The following SGIP1 variants were observed in gnomAD, a reference collection of about 807,000 sequenced individuals.
SGIP1 encodes the protein SH3-containing GRB2-like protein 3-interacting protein 1.
A neutral mutation model predicts 107.5 loss-of-function variants in SGIP1; 38 were observed. That is an observed-to-expected ratio of 0.35 (90% CI 0.27 to 0.46). The LOEUF (loss-of-function observed/expected upper bound fraction) is 0.46. Among genes scored for constraint, SGIP1 ranks in the 20% least tolerant of loss-of-function variants. SGIP1 has a pLI of 1.00. For missense variants in SGIP1, 929 were observed against 1,019.5 expected (o/e 0.91, Z 1.21); for synonymous variants, 365 against 366.1 (o/e 1.00, Z 0.03).
At chr1:66,676,098 C>T (rs2085258099) in intron 12 of SGIP1, among the ~76,000 whole-genome samples, 1 of 152,192 alleles carries the variant, frequency 6.6e-6, no homozygotes, top group Non-Finnish European at 1.5e-5. Context: ...ATTCATATAT[C>T]TTTCCTCTGT....
At chr1:66,622,484 G>A (rs1396963638) in intron 1 of SGIP1, among the ~76,000 whole-genome samples, 1 of 152,144 alleles carries the variant, frequency 6.6e-6, no homozygotes, top group East Asian at 1.9e-4. Context: ...AGACATTGAT[G>A]ATATTTGTCT....
chr1:66,537,654 AT>A (rs1256269318), intron 1 of SGIP1, among the ~76,000 whole-genome samples: 1 of 152,116 alleles, frequency 6.6e-6, no homozygotes, highest in East Asian at 1.9e-4. Context: ...TTATATGACA[AT>A]TTAAAAAATT....
rs56815392 is a variant in SGIP1, at chr1:66,723,163, A to G, written c.1742+3758A>G. Among the ~76,000 whole-genome samples the G allele has an allele frequency of 8.9e-3, 1,359 of 152,308 alleles. 24 individuals are homozygous for G. Among genetic ancestry groups the G allele is most frequent in the African/African-American group, 0.031 (1,293 of 41,564 alleles). ...CTTTCAAGGAAACAACTCAAGTTCT[A>G]TCACCAGGTGGAAATAATGCCAGCC... On this transcript the variant is annotated intron_variant, in intron 19 of 24. Coordinates refer to ENST00000371037, the MANE Select transcript of SGIP1 (RefSeq NM_032291.4).
intron 5 of SGIP1, among the ~76,000 whole-genome samples, chr1:66,642,262 A>G (rs1434555085): frequency 2.0e-5 from 3 of 151,920 alleles, no homozygotes; most frequent in African/African-American, 4.8e-5. Context: ...TGAGTCACCC[A>G]GTGTCCACTC....
chr1:66,616,621 C>T (rs1359983445), intron 1 of SGIP1, among the ~76,000 whole-genome samples: 1 of 152,100 alleles, frequency 6.6e-6, no homozygotes, highest in Non-Finnish European at 1.5e-5. Flanking sequence ...TGTCTGCTCC[C>T]CATGGATCTT....
At position 66,660,906 on chromosome 1, in the gene SGIP1, C is replaced by G. The variant is rs558659510; in HGVS notation, c.471+382C>G. On this transcript the variant is annotated intron_variant, in intron 8 of 24. Transcript: ENST00000371037. ...TATAAGTTAATTTTTGATTAGCGTA[C>G]AACATAGTAGCATCTGGAATGCCTA... 2.6e-5 allele frequency among the ~76,000 whole-genome samples: 4 copies of G among 152,244 alleles called. No individual in the cohort carries two copies. In the South Asian group the frequency reaches 8.3e-4, roughly 32 times the overall value.
chr1:66,616,776 C>T (rs1390130011), intron 1 of SGIP1, among the ~76,000 whole-genome samples: 1 of 152,202 alleles, frequency 6.6e-6, no homozygotes, highest in African/African-American at 2.4e-5. Flanking sequence ...TCTTCTTTAA[C>T]ATTTTCTTCT....
In SGIP1 at chr1:66,679,780, A is replaced by G. The variant is rs201214486; in HGVS notation, c.814+28A>G. The stretch of plus-strand genomic sequence containing the variant: ...ACGCTTTTGTTTTTTCAGTTCTGGG[A>G]TGATGTGTCAAACAGAGCAGTGGCC... On this transcript the variant is annotated intron_variant, in intron 14 of 24. Transcript: ENST00000371037. The G allele has an allele frequency of 2.7e-4, 420 of 1,570,632 alleles. 1 individual carries two copies. In the African/African-American group the frequency reaches 5.2e-3, roughly 20 times the overall value.
chr1:66,538,485 G>T (rs898591202), intron 1 of SGIP1, among the ~76,000 whole-genome samples: 1 of 152,072 alleles, frequency 6.6e-6, no homozygotes, highest in Non-Finnish European at 1.5e-5. Context: ...CTTCTAAAAA[G>T]AATATGGAGT....
At chr1:66,534,808 T>C (rs1482219840) in intron 1 of SGIP1, among the ~76,000 whole-genome samples, 1 of 152,352 alleles carries the variant, frequency 6.6e-6, no homozygotes, top group East Asian at 1.9e-4. Context: ...TTCAGTGAAC[T>C]GTTTAAAATT....
At chr1:66,733,667 G>A (rs1257285127) in intron 20 of SGIP1, 81 bp from the exon 21 acceptor site, 29 of 1,491,400 alleles carry the variant, frequency 1.9e-5, no homozygotes, top group Middle Eastern at 2.1e-4. Flanking sequence ...CATATCAGAC[G>A]ACAATTTGCT....
At chr1:66,630,814 AG>A (rs1236050494) in intron 2 of SGIP1, among the ~76,000 whole-genome samples, 1 of 5,248 alleles carries the variant, frequency 1.9e-4, no homozygotes, top group Non-Finnish European at 2.9e-4. Context: ...AAAGAAAGAA[AG>A]AAAGAAAGAA....
At chr1:66,563,910 A>G (rs2148490900) in intron 1 of SGIP1, among the ~76,000 whole-genome samples, 1 of 152,078 alleles carries the variant, frequency 6.6e-6, no homozygotes, top group Middle Eastern at 3.4e-3. Context: ...TTAGGGGCAA[A>G]TTGTAACGCA....
At chr1:66,575,637 T>C (rs1324131873) in intron 1 of SGIP1, among the ~76,000 whole-genome samples, 2 of 152,180 alleles carry the variant, frequency 1.3e-5, no homozygotes, top group Non-Finnish European at 2.9e-5. Context: ...AGAAAAATGA[T>C]AGTGGTCCAG....
intron 1 of SGIP1, among the ~76,000 whole-genome samples, chr1:66,615,674 C>A (rs1170927567): frequency 5.9e-5 from 9 of 151,984 alleles, no homozygotes; most frequent in Non-Finnish European, 1.2e-4. Flanking sequence ...AATTACAATT[C>A]AATTGAATTT....
chr1:66,594,156 A>T (rs2064171490), intron 1 of SGIP1, among the ~76,000 whole-genome samples: 1 of 152,216 alleles, frequency 6.6e-6, no homozygotes. Context: ...AGTTGTTCAT[A>T]GAGTATTATA....
At chr1:66,701,217 G>T (rs1379838540) in intron 18 of SGIP1, among the ~76,000 whole-genome samples, 2 of 152,116 alleles carry the variant, frequency 1.3e-5, no homozygotes, top group African/African-American at 4.8e-5. Flanking sequence ...GACACTAAAG[G>T]AAGGAAAATT....
intron 17 of SGIP1, 149 bp from the exon 18 acceptor site, chr1:66,695,285 G>T: frequency 8.0e-7 from 1 of 1,255,766 alleles, no homozygotes; most frequent in South Asian, 2.1e-5. Flanking sequence ...TAGATTGCCA[G>T]CCTTCCCTTT....
chr1:66,704,947 T>C (rs968741955), intron 18 of SGIP1, among the ~76,000 whole-genome samples: 1 of 152,188 alleles, frequency 6.6e-6, no homozygotes, highest in African/African-American at 2.4e-5. Context: ...CCTAAGATAA[T>C]AGTTAGTATT....
Sources: gnomAD v4.1 joint callset for allele counts (sites outside exome capture counted in the v4.1 genomes callset) on GRCh38, gnomAD v4.1.1 for gene constraint, MANE v1.5 for transcripts, NCBI Gene and HGNC (gene_info 2026-07-23, HGNC 2026-07-21) for gene names.